The following B3GALT1 variants were observed in gnomAD, a reference collection of about 807,000 sequenced individuals.
B3GALT1 encodes UDP-Gal:betaGlcNAc beta 1,3-galactosyltransferase, polypeptide 1.
In B3GALT1, 10 loss-of-function variants were observed where a neutral mutation model predicts 23.2. That is an observed-to-expected ratio of 0.43 (90% CI 0.27 to 0.73). B3GALT1 has a LOEUF of 0.73. Among genes scored for constraint, B3GALT1 ranks in the 30% least tolerant of loss-of-function variants. The pLI is 0.21. For missense variants in B3GALT1, 299 were observed against 405.4 expected (o/e 0.74, Z 2.25); for synonymous variants, 156 against 141.5 (o/e 1.10, Z -0.73).
chr2:167,349,893 G>T (rs1697283431), intron 1 of B3GALT1, among the ~76,000 whole-genome samples: 1 of 152,032 alleles, frequency 6.6e-6, no homozygotes, highest in Admixed American at 6.6e-5. Flanking sequence ...ATAGCAATTT[G>T]TATTTAAATT....
intron 1 of B3GALT1, among the ~76,000 whole-genome samples, chr2:167,379,877 TC>T (rs1302419934): frequency 1.3e-5 from 2 of 152,166 alleles, no homozygotes; most frequent in African/African-American, 4.8e-5. Flanking sequence ...GGCCTAAACT[TC>T]TAACACAGGA....
chr2:167,464,836 AT>A (rs1000280353), intron 1 of B3GALT1, among the ~76,000 whole-genome samples: 3 of 152,188 alleles, frequency 2.0e-5, no homozygotes, highest in Admixed American at 2.0e-4. Flanking sequence ...TTTATGTATT[AT>A]CCACAGCATG....
intron 3 of B3GALT1, among the ~76,000 whole-genome samples, chr2:167,679,053 T>G (rs2105490924): frequency 6.6e-6 from 1 of 152,262 alleles, no homozygotes; most frequent in East Asian, 1.9e-4. Flanking sequence ...GTACCTCTTC[T>G]GTTCACAATA....
chr2:167,681,245 GAT>G (rs545961790), intron 3 of B3GALT1, among the ~76,000 whole-genome samples: 1 of 151,626 alleles, frequency 6.6e-6, no homozygotes, highest in Non-Finnish European at 1.5e-5. Flanking sequence ...GCAGCCATCA[GAT>G]ATATATATAT....
chr2:167,483,915 G>A (rs961202991), intron 1 of B3GALT1, among the ~76,000 whole-genome samples: 4 of 152,062 alleles, frequency 2.6e-5, no homozygotes, highest in East Asian at 3.9e-4. Flanking sequence ...TCCATGGATC[G>A]CATGGAAATT....
rs1689601375 is a variant in B3GALT1, at chr2:167,840,009, A to C, written c.-230+21216A>C. ...AGCTGAAACTGGATCCCTTCCTTAC[A>C]CCTTATACAAAAATCAATTCAAGAT... On this transcript the variant is annotated intron_variant, in intron 4 of 4. Coordinates refer to ENST00000392690, the MANE Select transcript of B3GALT1 (RefSeq NM_020981.4). 2.0e-5 allele frequency among the ~76,000 whole-genome samples: 3 copies of C among 152,264 alleles called. No individual in the cohort carries two copies. In the South Asian group the frequency reaches 6.2e-4, roughly 32 times the overall value.
intron 2 of B3GALT1, among the ~76,000 whole-genome samples, chr2:167,532,774 A>G (rs998194052): frequency 7.9e-5 from 12 of 150,986 alleles, no homozygotes; most frequent in African/African-American, 2.4e-4. Context: ...TATTTTGTTT[A>G]TATCCTGTTT....
At chr2:167,838,638 A>T (rs1355261208) in intron 4 of B3GALT1, among the ~76,000 whole-genome samples, 1 of 152,280 alleles carries the variant, frequency 6.6e-6, no homozygotes, top group African/African-American at 2.4e-5. Context: ...AACTATTCCA[A>T]TCAATAGAAA....
intron 2 of B3GALT1, among the ~76,000 whole-genome samples, chr2:167,524,755 G>T (rs1223452926): frequency 6.6e-6 from 1 of 152,140 alleles, no homozygotes; most frequent in African/African-American, 2.4e-5. Context: ...CAAGAGAGAG[G>T]CAGAGAGAAA....
At chr2:167,607,033 T>G (rs1195792431) in intron 2 of B3GALT1, among the ~76,000 whole-genome samples, 3 of 152,194 alleles carry the variant, frequency 2.0e-5, no homozygotes, top group African/African-American at 7.2e-5. Flanking sequence ...TATGAAATGC[T>G]TGGTATGTAT....
At chr2:167,767,006 G>A (rs1014339109) in intron 3 of B3GALT1, among the ~76,000 whole-genome samples, 5 of 152,152 alleles carry the variant, frequency 3.3e-5, no homozygotes, top group African/African-American at 4.8e-5. Context: ...TACTGGGAAA[G>A]GCATGTTTCA....
chr2:167,578,353 G>A (rs2105405296), intron 2 of B3GALT1, among the ~76,000 whole-genome samples: 1 of 152,044 alleles, frequency 6.6e-6, no homozygotes, highest in African/African-American at 2.4e-5. Context: ...CATGGCAGTA[G>A]GTTGTGCTAA....
chr2:167,668,636 G>A (rs570257409), intron 3 of B3GALT1, among the ~76,000 whole-genome samples: 10 of 152,180 alleles, frequency 6.6e-5, no homozygotes, highest in African/African-American at 2.4e-4. Flanking sequence ...AGCCATGTGG[G>A]GGATATAATC....
chr2:167,661,861 C>G (rs1247828869), intron 3 of B3GALT1, among the ~76,000 whole-genome samples: 1 of 152,024 alleles, frequency 6.6e-6, no homozygotes, highest in Non-Finnish European at 1.5e-5. Context: ...GTTCCGGACT[C>G]AATATCACAA....
At chr2:167,749,107 A>C (rs1231942102) in intron 3 of B3GALT1, among the ~76,000 whole-genome samples, 1 of 152,184 alleles carries the variant, frequency 6.6e-6, no homozygotes, top group Non-Finnish European at 1.5e-5. Flanking sequence ...TCAACTTTTA[A>C]ATAGTCATGA....
intron 3 of B3GALT1, among the ~76,000 whole-genome samples, chr2:167,687,934 G>T (rs371484630): frequency 6.6e-6 from 1 of 151,828 alleles, no homozygotes; most frequent in East Asian, 1.9e-4. Flanking sequence ...AATAGAAATC[G>T]TCCAAATTTT....
chr2:167,311,017 T>C (rs1313194893), intron 1 of B3GALT1, among the ~76,000 whole-genome samples: 1 of 152,124 alleles, frequency 6.6e-6, no homozygotes, highest in Non-Finnish European at 1.5e-5. Context: ...TAAGGCAACT[T>C]ATCAATAATT....
At chr2:167,668,158 C>T (rs11896944) in intron 3 of B3GALT1, among the ~76,000 whole-genome samples, 32,081 of 151,838 alleles carry the variant, frequency 0.21, 4,252 homozygotes, top group Admixed American at 0.33. Context: ...GTTAGTTTTC[C>T]TTCTAACAGA....
chr2:167,715,866 C>T, intron 3 of B3GALT1: 1 of 1,613,882 alleles, frequency 6.2e-7, no homozygotes, highest in Admixed American at 1.7e-5. Flanking sequence ...AAGCCGACTC[C>T]TAACCGATCT....
Sources: gnomAD v4.1 joint callset for allele counts (sites outside exome capture counted in the v4.1 genomes callset) on GRCh38, gnomAD v4.1.1 for gene constraint, MANE v1.5 for transcripts, NCBI Gene and HGNC (gene_info 2026-07-23, HGNC 2026-07-21) for gene names.